The following TTC19 variants were observed in gnomAD, a reference collection of about 807,000 sequenced individuals.
The protein encoded by TTC19 is tetratricopeptide repeat protein 19, mitochondrial.
Under a neutral mutation model 49.5 loss-of-function variants are expected in TTC19, and 38 were observed. The observed-to-expected ratio is 0.77, with a 90% confidence interval of 0.59 to 1.01. The LOEUF is 1.01. Ranked by LOEUF, TTC19 falls within the 50% of genes least tolerant of loss-of-function variation. TTC19 has a pLI of 0.00. For synonymous variants in TTC19, 204 were observed against 185.2 expected, an observed-to-expected ratio of 1.10 and a Z score of -0.83; for missense variants, 475 against 477.7, an observed-to-expected ratio of 0.99 and a Z score of 0.05.
At chr17:16,023,952 C>T (rs1297606937) in intron 7 of TTC19, 2 of 152,212 alleles carry the variant, frequency 1.3e-5, no homozygotes, top group African/African-American at 2.4e-5. Flanking sequence ...ATAAACCCAA[C>T]TGAACCTAAG....
At chr17:16,035,113 G>C (rs1302691723) in intron 2 of TTC19, among the ~76,000 whole-genome samples, 1 of 152,202 alleles carries the variant, frequency 6.6e-6, no homozygotes, top group East Asian at 1.9e-4. Context: ...CAGAGATACT[G>C]AGGGTTTAGT....
intron 7 of TTC19, among the ~76,000 whole-genome samples, chr17:16,018,404 C>T (rs1392058770): frequency 6.6e-6 from 1 of 152,200 alleles, no homozygotes; most frequent in Non-Finnish European, 1.5e-5. Context: ...ACATTATCCC[C>T]TCTTCCATCA....
At chr17:16,025,585 G>A (rs1018226184) in intron 8 of TTC19, among the ~76,000 whole-genome samples, 2 of 152,184 alleles carry the variant, frequency 1.3e-5, no homozygotes, top group African/African-American at 2.4e-5. Flanking sequence ...GTGAGGGAAG[G>A]GCAAGGGACC....
intron 6 of TTC19, among the ~76,000 whole-genome samples, chr17:16,006,149 C>A (rs1362226639): frequency 6.6e-6 from 1 of 152,196 alleles, no homozygotes; most frequent in Non-Finnish European, 1.5e-5. Flanking sequence ...GTGGCTCACG[C>A]CTGTAATCCC....
intron 2 of TTC19, among the ~76,000 whole-genome samples, chr17:16,038,248 T>C (rs2056826487): frequency 1.3e-5 from 2 of 152,182 alleles, no homozygotes; most frequent in South Asian, 4.1e-4. Context: ...GGTTGTAAGA[T>C]TAAAGCTTAG....
At chr17:16,041,427 T>G (rs1325677038) in intron 2 of TTC19, among the ~76,000 whole-genome samples, 1 of 148,430 alleles carries the variant, frequency 6.7e-6, no homozygotes, top group Non-Finnish European at 1.5e-5. Flanking sequence ...TTTTTTCCTT[T>G]GAGATGGTGG....
At chr17:16,004,805 GA>G (rs899070958) in intron 6 of TTC19, among the ~76,000 whole-genome samples, 1 of 152,192 alleles carries the variant, frequency 6.6e-6, no homozygotes, top group Non-Finnish European at 1.5e-5. Flanking sequence ...TGATGCTGTA[GA>G]AAGGGTGCTC....
chr17:16,040,132 GT>G, intron 2 of TTC19: 1 of 517,780 alleles, frequency 1.9e-6, no homozygotes, highest in Non-Finnish European at 3.7e-6. Context: ...AAGGAAATTT[GT>G]TTCCCAAGTG....
chr17:16,020,678 AC>A (rs1971350390), intron 7 of TTC19, among the ~76,000 whole-genome samples: 1 of 150,476 alleles, frequency 6.6e-6, no homozygotes, highest in South Asian at 2.1e-4. Context: ...ACTACCCCCC[AC>A]CCCCCAAGAG....
chr17:16,004,164 C>G (rs778450278), intron 5 of TTC19, 37 bp from the exon 6 acceptor site: 13 of 1,597,626 alleles, frequency 8.1e-6, no homozygotes, highest in Non-Finnish European at 1.1e-5. Flanking sequence ...AAAAAATTTA[C>G]TTGTTATGAG....
chr17:16,031,466 G>C, downstream of TTC19: 1 of 197,968 alleles, frequency 5.1e-6, no homozygotes, highest in Non-Finnish European at 1.0e-5. Flanking sequence ...TCAAATGCAG[G>C]AGAAAAGGAA....
intron 3 of TTC19, among the ~76,000 whole-genome samples, chr17:16,002,318 C>G (rs546280773): frequency 4.1e-4 from 63 of 152,238 alleles, no homozygotes; most frequent in African/African-American, 1.5e-3. Context: ...AGCTGGATTA[C>G]AGGCATGCAT....
intron 7 of TTC19, among the ~76,000 whole-genome samples, chr17:16,021,253 G>C (rs768247466): frequency 6.6e-6 from 1 of 152,182 alleles, no homozygotes; most frequent in Non-Finnish European, 1.5e-5. Context: ...AGCTGGGCGT[G>C]GTGGCGCACC....
intron 2 of TTC19, among the ~76,000 whole-genome samples, chr17:16,038,115 A>G (rs1429847037): frequency 6.6e-6 from 1 of 152,186 alleles, no homozygotes; most frequent in African/African-American, 2.4e-5. Flanking sequence ...TTTCTTAACC[A>G]TAGTGAGATA....
In TTC19 at chr17:16,028,818, C is replaced by CAA. The variant is rs59177775; in HGVS notation, c.*1323_*1324dup. ...GTATCCCAGTAATCTTTGCATTTCT[C>CAA]AAAAAAAAAAAAAAAAAAAAAAAAA... is the stretch of plus-strand genomic sequence containing the variant. On this transcript the variant is annotated 3_prime_UTR_variant, in exon 10 of 10. Transcript: ENST00000261647. 4,526 of 98,134 alleles carry CAA rather than the reference C, an allele frequency of 0.046. 163 individuals are homozygous for CAA. Among genetic ancestry groups the CAA allele is most frequent in the East Asian group, 0.083 (274 of 3,320 alleles). The allele number at this position is 98,134 out of a possible 1,614,324, so 6.1% of individuals were successfully genotyped here.
chr17:16,044,928 G>A, exon 3 of TTC19: 1 of 634,492 alleles, frequency 1.6e-6, no homozygotes, highest in South Asian at 1.6e-5. Context: ...TGAGGAGTCT[G>A]ATGATGACAT....
chr17:16,044,255 T>C (rs559732384), intron 2 of TTC19, among the ~76,000 whole-genome samples: 13 of 152,238 alleles, frequency 8.5e-5, no homozygotes, highest in Non-Finnish European at 1.6e-4. Flanking sequence ...TATTTGTCTT[T>C]TATTTTGTTG....
chr17:16,014,589 C>T (rs1252158218), intron 7 of TTC19, among the ~76,000 whole-genome samples: 1 of 152,138 alleles, frequency 6.6e-6, no homozygotes, highest in Non-Finnish European at 1.5e-5. Flanking sequence ...GAGCATCCCC[C>T]AGAACCGAAG....
At chr17:16,041,223 A>G (rs928721907) in intron 2 of TTC19, 4 of 152,226 alleles carry the variant, frequency 2.6e-5, no homozygotes, top group Non-Finnish European at 4.4e-5. Context: ...AGTTTGAATG[A>G]TAACAGCATA....
Sources: gnomAD v4.1 joint callset for allele counts (sites outside exome capture counted in the v4.1 genomes callset) on GRCh38, gnomAD v4.1.1 for gene constraint, MANE v1.5 for transcripts, NCBI Gene and HGNC (gene_info 2026-07-23, HGNC 2026-07-21) for gene names.